CD1B: variants seen among roughly 807,000 people sequenced by gnomAD.
CD1B encodes the protein CD1b molecule.
Under a neutral mutation model 39.8 loss-of-function variants are expected in CD1B, and 43 were observed. The ratio of observed to expected loss-of-function variants is 1.08; its 90% CI spans 0.85 to 1.39. The LOEUF is 1.39. CD1B is among the 40% of genes most tolerant of loss of function. The probability of loss-of-function intolerance (pLI) is 0.00; values close to 1 mark genes in which losing one functional copy is unlikely to be tolerated. For synonymous variants in CD1B, 192 were observed against 152.5 expected (o/e 1.26, Z -1.91); for missense variants, 495 against 403.8 (o/e 1.23, Z -1.94).
the CD1B span, among the ~76,000 whole-genome samples, chr1:158,316,151 G>A: frequency 1.1e-4 from 17 of 151,946 alleles, no homozygotes; most frequent in Admixed American, 1.1e-3. Context: ...GCTCTTTTTT[G>A]GTTCCATATG....
At chr1:158,326,254 G>A (rs1429287997), downstream of CD1B, among the ~76,000 whole-genome samples, 1 of 152,034 alleles carries the variant, frequency 6.6e-6, no homozygotes, top group South Asian at 2.1e-4. Flanking sequence ...TTACAGGCGT[G>A]AGCCACCATG....
chr1:158,323,005 C>T (rs116478105), downstream of CD1B, among the ~76,000 whole-genome samples: 761 of 152,152 alleles, frequency 5.0e-3, 5 homozygotes, highest in African/African-American at 0.017. Context: ...TGGCCTTTGA[C>T]CTTCCTTTAC....
the CD1B span, among the ~76,000 whole-genome samples, chr1:158,289,137 G>T: frequency 1.3e-5 from 2 of 152,132 alleles, no homozygotes; most frequent in African/African-American, 4.8e-5. Flanking sequence ...AGAGAATATA[G>T]TTCTAAGTAG....
At chr1:158,322,288 G>C in the CD1B span, among the ~76,000 whole-genome samples, 1 of 152,156 alleles carries the variant, frequency 6.6e-6, no homozygotes. Flanking sequence ...CCAGGCTGGA[G>C]TGCTGTGACT....
At chr1:158,310,134 AACAGGTTAGAG>A in the CD1B span, among the ~76,000 whole-genome samples, 112 of 152,304 alleles carry the variant, frequency 7.4e-4, 4 homozygotes, top group South Asian at 0.023. Flanking sequence ...TAGATAAATG[AACAGGTTAGAG>A]AACCCAGAAA....
At chr1:158,289,167 T>C in the CD1B span, among the ~76,000 whole-genome samples, 1 of 152,238 alleles carries the variant, frequency 6.6e-6, no homozygotes, top group Non-Finnish European at 1.5e-5. Flanking sequence ...TGGGATTCTA[T>C]ACATTGAAAT....
At chr1:158,296,834 A>G in the CD1B span, among the ~76,000 whole-genome samples, 1 of 152,208 alleles carries the variant, frequency 6.6e-6, no homozygotes, top group Non-Finnish European at 1.5e-5. Context: ...AATAGACCAC[A>G]CTGAGGGAAG....
At chr1:158,325,583 G>A (rs531859646), downstream of CD1B, among the ~76,000 whole-genome samples, 1 of 151,822 alleles carries the variant, frequency 6.6e-6, no homozygotes, top group Non-Finnish European at 1.5e-5. Context: ...TTAATTATTA[G>A]TTTATTAGTT....
downstream of CD1B, among the ~76,000 whole-genome samples, chr1:158,324,536 C>T (rs1571181082): frequency 6.6e-6 from 1 of 151,970 alleles, no homozygotes; most frequent in Non-Finnish European, 1.5e-5. Context: ...CAAGATTTTC[C>T]GTGTGGGAGA....
At position 158,328,911 on chromosome 1, in the gene CD1B, C is replaced by T. The variant is rs1652466834; in HGVS notation, c.980+10G>A. 1 of 1,585,410 alleles carries T rather than the reference C, an allele frequency of 6.3e-7. No individual in the cohort carries two copies. Among genetic ancestry groups the T allele is most frequent in the Non-Finnish European group, 8.6e-7 (1 of 1,167,594 alleles). On this transcript the variant is annotated intron_variant, in intron 5 of 5. Transcript: ENST00000368168. ...TATTAAAAAAAAAAACAACACCACC[C>T]ACAACTCACCGGCGCCTCATATACC...
chr1:158,331,232 G>T, intron 1 of CD1B, 131 bp downstream of exon 1: 1 of 1,082,456 alleles, frequency 9.2e-7, no homozygotes, highest in Non-Finnish European at 1.4e-6. Flanking sequence ...CCAACCACCA[G>T]AATGGTTGAA....
At chr1:158,289,574 A>G in the CD1B span, among the ~76,000 whole-genome samples, 1 of 152,314 alleles carries the variant, frequency 6.6e-6, no homozygotes, top group Admixed American at 6.5e-5. Flanking sequence ...AGGACATTCA[A>G]AAGGGGGAAA....
the CD1B span, among the ~76,000 whole-genome samples, chr1:158,322,839 C>A: frequency 2.6e-5 from 4 of 152,112 alleles, no homozygotes; most frequent in Admixed American, 6.5e-5. Flanking sequence ...TTTTGGCCTG[C>A]AAGGTTTCTG....
At chr1:158,317,225 T>G in the CD1B span, among the ~76,000 whole-genome samples, 1 of 151,938 alleles carries the variant, frequency 6.6e-6, no homozygotes, top group South Asian at 2.1e-4. Context: ...TGGAATAGTT[T>G]CAGAAGGAAT....
chr1:158,305,480 G>C, the CD1B span, among the ~76,000 whole-genome samples: 1 of 152,226 alleles, frequency 6.6e-6, no homozygotes, highest in Non-Finnish European at 1.5e-5. Flanking sequence ...GTGACAGGGA[G>C]AATGGAACCA....
At chr1:158,313,490 T>C in the CD1B span, among the ~76,000 whole-genome samples, 1 of 152,144 alleles carries the variant, frequency 6.6e-6, no homozygotes, top group East Asian at 1.9e-4. Flanking sequence ...TTTGTACTTT[T>C]TTTAGAGACA....
Position 158,328,132 on chromosome 1 carries a change from A to T in CD1B, c.*104T>A, listed in dbSNP as rs1571185222. The T allele has an allele frequency of 1.1e-6, 1 of 902,514 alleles. No individual in the cohort carries two copies. The highest frequency in any genetic ancestry group is 2.4e-5 in the East Asian group (1 of 40,828). The allele number at this position is 902,514 out of a possible 1,614,324, so 55.9% of individuals were successfully genotyped here. Reference sequence around the variant, plus strand: ...TAAAATACATGAAAACTCTGATTTCATCAAATTTGAAAATCATTTGAAATA... The same window carrying T: ...TAAAATACATGAAAACTCTGATTTCTTCAAATTTGAAAATCATTTGAAATA... On this transcript the variant is annotated 3_prime_UTR_variant, in exon 6 of 6. Coordinates refer to ENST00000368168, the MANE Select transcript of CD1B (RefSeq NM_001764.3).
chr1:158,305,763 T>A, the CD1B span, among the ~76,000 whole-genome samples: 1 of 152,124 alleles, frequency 6.6e-6, no homozygotes, highest in African/African-American at 2.4e-5. Flanking sequence ...CAGAAGAGAG[T>A]GGGGGCCAAT....
At chr1:158,287,446 C>G in the CD1B span, among the ~76,000 whole-genome samples, 1 of 152,134 alleles carries the variant, frequency 6.6e-6, no homozygotes, top group Non-Finnish European at 1.5e-5. Context: ...TTCTTAGAGG[C>G]CCCATTTCCA....
Sources: allele counts gnomAD v4.1 joint callset (sites outside exome capture counted in the v4.1 genomes callset), GRCh38; gene constraint gnomAD v4.1.1; transcripts MANE v1.5; gene names NCBI Gene and HGNC (gene_info 2026-07-23, HGNC 2026-07-21).